The following CEP128 variants were observed in gnomAD, a reference collection of about 807,000 sequenced individuals.
CEP128 encodes the protein centrosomal protein 128kDa.
A neutral mutation model predicts 156.7 loss-of-function variants in CEP128; 132 were observed. The ratio of observed to expected loss-of-function variants is 0.84; its 90% confidence interval spans 0.73 to 0.97. The LOEUF (loss-of-function observed/expected upper bound fraction) is 0.97. Ranked by LOEUF, CEP128 falls within the 50% of genes least tolerant of loss-of-function variation. CEP128 has a pLI of 0.00. For synonymous variants in CEP128, 469 were observed against 448.9 expected (o/e 1.04, Z -0.57); for missense variants, 1,252 against 1,281.9 (o/e 0.98, Z 0.36).
At chr14:80,923,016 G>A (rs976292040) in intron 2 of CEP128, among the ~76,000 whole-genome samples, 10 of 152,204 alleles carry the variant, frequency 6.6e-5, no homozygotes, top group East Asian at 1.9e-4. Context: ...CTTTTCAGAC[G>A]TGAGCTTTTT....
chr14:80,616,753 T>A (rs1893230622), intron 19 of CEP128, among the ~76,000 whole-genome samples: 1 of 152,156 alleles, frequency 6.6e-6, no homozygotes, highest in Admixed American at 6.5e-5. Flanking sequence ...AAATTTAGAA[T>A]CATCAAGGTG....
intron 14 of CEP128, among the ~76,000 whole-genome samples, chr14:80,788,288 CTTTTTT>C (rs10628361): frequency 2.3e-4 from 22 of 97,250 alleles, no homozygotes; most frequent in Middle Eastern, 7.9e-3. Context: ...TGGCCAGGAT[CTTTTTT>C]TTTTTTTTTT....
intron 2 of CEP128, among the ~76,000 whole-genome samples, chr14:80,924,055 T>A (rs1037580762): frequency 6.6e-6 from 1 of 152,212 alleles, no homozygotes; most frequent in East Asian, 1.9e-4. Context: ...TCCCCAGTCA[T>A]GCGGAACTGT....
chr14:80,744,711 G>A (rs898236616), intron 18 of CEP128, among the ~76,000 whole-genome samples: 47 of 152,124 alleles, frequency 3.1e-4, no homozygotes, highest in African/African-American at 8.7e-4. Flanking sequence ...GTCAAGGTAC[G>A]TGATAGCATA....
chr14:80,568,554 C>G (rs1393322222), intron 20 of CEP128, among the ~76,000 whole-genome samples: 1 of 152,076 alleles, frequency 6.6e-6, no homozygotes, highest in Admixed American at 6.6e-5. Context: ...CAGCATTCTA[C>G]ACTAGAGGGG....
intron 13 of CEP128, among the ~76,000 whole-genome samples, chr14:80,823,819 T>C (rs562977116): frequency 7.1e-4 from 108 of 152,200 alleles, no homozygotes; most frequent in Non-Finnish European, 1.4e-3. Context: ...GGATCTACCA[T>C]GCTGGGATCT....
chr14:80,718,240 A>G (rs1374849369), intron 19 of CEP128, among the ~76,000 whole-genome samples: 2 of 152,188 alleles, frequency 1.3e-5, no homozygotes, highest in Non-Finnish European at 1.5e-5. Context: ...TAAATTATCA[A>G]TGTCAATTCA....
intron 19 of CEP128, among the ~76,000 whole-genome samples, chr14:80,620,755 T>C (rs1340204508): frequency 6.6e-6 from 1 of 152,176 alleles, no homozygotes; most frequent in African/African-American, 2.4e-5. Context: ...CCTCTTAATA[T>C]CTGAGGGTAG....
At chr14:80,852,721 T>C (rs1886955823) in intron 9 of CEP128, among the ~76,000 whole-genome samples, 1 of 151,712 alleles carries the variant, frequency 6.6e-6, no homozygotes, top group Admixed American at 6.6e-5. Flanking sequence ...TATGGGTAAG[T>C]TTCAACAGAC....
At chr14:80,763,332 A>C (rs1378448880) in intron 16 of CEP128, among the ~76,000 whole-genome samples, 2 of 152,150 alleles carry the variant, frequency 1.3e-5, no homozygotes, top group Non-Finnish European at 2.9e-5. Flanking sequence ...AACTCTCCCT[A>C]CCAATTAATA....
intron 23 of CEP128, chr14:80,514,692 A>AT (rs1888407518): frequency 2.4e-6 from 1 of 415,024 alleles, no homozygotes; most frequent in Admixed American, 2.6e-5. Context: ...AAGGTCACAT[A>AT]TTTTTGTCAC....
At chr14:80,563,125 T>A (rs1890759713) in intron 20 of CEP128, among the ~76,000 whole-genome samples, 1 of 152,228 alleles carries the variant, frequency 6.6e-6, no homozygotes, top group Non-Finnish European at 1.5e-5. Context: ...CTTTAATCTA[T>A]AATTTTCATT....
chr14:80,724,787 AATAT>A (rs1392264458), intron 19 of CEP128, among the ~76,000 whole-genome samples: 2 of 151,838 alleles, frequency 1.3e-5, no homozygotes, highest in Non-Finnish European at 2.9e-5. Flanking sequence ...CTGTTACAAA[AATAT>A]ATCAGAGGCT....
At chr14:80,509,621 T>C (rs1273115596) in intron 23 of CEP128, among the ~76,000 whole-genome samples, 2 of 152,244 alleles carry the variant, frequency 1.3e-5, no homozygotes, top group Non-Finnish European at 2.9e-5. Context: ...TTTTCTTTAA[T>C]GTGCAGAATC....
intron 19 of CEP128, among the ~76,000 whole-genome samples, chr14:80,626,641 T>G (rs1893742039): frequency 1.3e-5 from 2 of 152,002 alleles, no homozygotes; most frequent in Admixed American, 1.3e-4. Context: ...GAAAGAATTC[T>G]CCCCTCAGAG....
chr14:80,865,685 A>G (rs1000255833), intron 8 of CEP128, among the ~76,000 whole-genome samples: 1 of 152,004 alleles, frequency 6.6e-6, no homozygotes, highest in East Asian at 1.9e-4. Context: ...CTGACTTCCA[A>G]TTTGCTAGCA....
downstream of CEP128, among the ~76,000 whole-genome samples, chr14:80,495,456 T>C (rs1456955221): frequency 6.6e-6 from 1 of 152,110 alleles, no homozygotes; most frequent in Non-Finnish European, 1.5e-5. Flanking sequence ...TTCTAGTGTG[T>C]TCCATATTTA....
chr14:80,565,866 T>A (rs529770921), intron 20 of CEP128, among the ~76,000 whole-genome samples: 3 of 152,274 alleles, frequency 2.0e-5, no homozygotes, highest in East Asian at 1.9e-4. Flanking sequence ...CTCTGGTGAG[T>A]ACAGTTGAAA....
intron 19 of CEP128, among the ~76,000 whole-genome samples, chr14:80,729,338 T>C (rs1248004693): frequency 6.6e-6 from 1 of 151,968 alleles, no homozygotes; most frequent in Admixed American, 6.6e-5. Context: ...GTGAATGCCA[T>C]TATTTCATTG....
Sources: allele counts gnomAD v4.1 joint callset (sites outside exome capture counted in the v4.1 genomes callset), GRCh38; gene constraint gnomAD v4.1.1; transcripts MANE v1.5; gene names NCBI Gene and HGNC (gene_info 2026-07-23, HGNC 2026-07-21).